Variants in PPP2R2C observed in about 807,000 individuals in gnomAD.
PPP2R2C encodes protein phosphatase 2, regulatory subunit B, gamma.
Under a neutral mutation model 45.3 loss-of-function variants are expected in PPP2R2C, and 10 were observed. That is an observed-to-expected ratio of 0.22 (90% CI 0.14 to 0.37). PPP2R2C has a LOEUF of 0.37. Among genes scored for constraint, PPP2R2C ranks in the 10% least tolerant of loss-of-function variants. PPP2R2C has a pLI of 1.00. For missense variants in PPP2R2C, 308 were observed against 619.7 expected (o/e 0.50, Z 5.34); for synonymous variants, 257 against 245.4 (o/e 1.05, Z -0.44).
intron 1 of PPP2R2C, among the ~76,000 whole-genome samples, chr4:6,395,725 C>T (rs925658992): frequency 6.6e-6 from 1 of 152,218 alleles, no homozygotes. Context: ...CTGCTGGCAG[C>T]TCAGCCTCCA....
chr4:6,537,704 C>T (rs941385965), intron 1 of PPP2R2C, among the ~76,000 whole-genome samples: 11 of 151,984 alleles, frequency 7.2e-5, no homozygotes, highest in Non-Finnish European at 8.8e-5. Flanking sequence ...GTGCCTGCCA[C>T]CACACCTGGC....
rs147754080 is a variant in PPP2R2C at position 6,423,774 on chromosome 4, T to C, written c.71-42680A>G. Among the ~76,000 whole-genome samples the C allele has an allele frequency of 8.9e-4, 136 of 152,254 alleles. 1 individual carries two copies. In the East Asian group the frequency reaches 0.011, roughly 12 times the overall value. ...AACCAGCTTGGTGTGTTTGAGGAAC[T>C]GAAAGATCAGGGAGGTAGTGGTATG... On this transcript the variant is annotated intron_variant, in intron 1 of 8. Transcript: ENST00000382599.
chr4:6,468,470 T>C (rs945739077), intron 1 of PPP2R2C, among the ~76,000 whole-genome samples: 1 of 152,042 alleles, frequency 6.6e-6, no homozygotes, highest in African/African-American at 2.4e-5. Flanking sequence ...AAAGCATGAG[T>C]GTCCAACAGT....
At chr4:6,442,858 C>A (rs1461073653) in intron 1 of PPP2R2C, among the ~76,000 whole-genome samples, 1 of 152,238 alleles carries the variant, frequency 6.6e-6, no homozygotes, top group South Asian at 2.1e-4. Flanking sequence ...CAGCACCGAG[C>A]AGCTAGTGGC....
At chr4:6,507,227 TG>T (rs1220220251) in intron 2 of PPP2R2C, among the ~76,000 whole-genome samples, 1 of 152,188 alleles carries the variant, frequency 6.6e-6, no homozygotes, top group African/African-American at 2.4e-5. Flanking sequence ...AAAGCACAGG[TG>T]CTCAAGGATG....
At chr4:6,511,843 G>T (rs868478310) in intron 2 of PPP2R2C, among the ~76,000 whole-genome samples, 1 of 36,956 alleles carries the variant, frequency 2.7e-5, no homozygotes. Context: ...GGTGATGGTG[G>T]TGGTGGTGGT....
intron 4 of PPP2R2C, among the ~76,000 whole-genome samples, chr4:6,372,947 A>C (rs1463620350): frequency 6.6e-6 from 1 of 152,160 alleles, no homozygotes; most frequent in African/African-American, 2.4e-5. Flanking sequence ...CCTATACCCC[A>C]ATTTCCTCAA....
chr4:6,545,064 A>C (rs1056713024), intron 1 of PPP2R2C, among the ~76,000 whole-genome samples: 2 of 152,138 alleles, frequency 1.3e-5, no homozygotes, highest in African/African-American at 4.8e-5. Flanking sequence ...CCGGTTCTCA[A>C]AGGGGTCCCC....
Position 6,378,621 on chromosome 4 carries a change from G to A in PPP2R2C, c.169-49C>T, listed in dbSNP as rs374405418. ...GCCTGAGCACCGTGACCTGCAGGGC[G>A]ACGGCTAGGACCTCCGGGGACCCAG... On this transcript the variant is annotated intron_variant, in intron 2 of 8. Coordinates refer to ENST00000382599, the MANE Select transcript of PPP2R2C (RefSeq NM_020416.4). The surrounding 1 kb of genome is among the most constrained non-coding windows in gnomAD (Gnocchi z 5.2). 18 of 1,570,652 alleles carry A rather than the reference G, an allele frequency of 1.1e-5. No homozygotes were observed. In the African/African-American group the frequency reaches 1.2e-4, roughly 11 times the overall value.
At chr4:6,357,555 C>T (rs1166219385) in intron 5 of PPP2R2C, among the ~76,000 whole-genome samples, 3 of 152,242 alleles carry the variant, frequency 2.0e-5, no homozygotes, top group African/African-American at 4.8e-5. Context: ...CCCTGCCGCC[C>T]ACAGCCCCAG....
intron 2 of PPP2R2C, among the ~76,000 whole-genome samples, chr4:6,516,574 C>T (rs542207059): frequency 5.9e-5 from 9 of 152,336 alleles, no homozygotes; most frequent in African/African-American, 1.9e-4. Context: ...CCCATGACTC[C>T]TCCTCCCAGG....
chr4:6,348,022 G>A lies in PPP2R2C; in HGVS notation c.626-12C>T. 1 of 1,612,942 alleles carries A rather than the reference G, an allele frequency of 6.2e-7. No individual in the cohort carries two copies. On this transcript the variant is annotated splice_polypyrimidine_tract_variant and intron_variant, in intron 5 of 8. Coordinates refer to ENST00000382599, the MANE Select transcript of PPP2R2C (RefSeq NM_020416.4). ...GATGTCCACGATGTCTGGGGGCAGT[G>A]CGGTCAAGGAAGGGGCAGTGAAGGG...
At chr4:6,393,057 A>G (rs766272662) in intron 1 of PPP2R2C, among the ~76,000 whole-genome samples, 6 of 152,242 alleles carry the variant, frequency 3.9e-5, no homozygotes, top group African/African-American at 7.2e-5. Context: ...GTTGAGGTAC[A>G]ATATACATAA....
intron 1 of PPP2R2C, among the ~76,000 whole-genome samples, chr4:6,559,468 G>A (rs547042367): frequency 1.3e-5 from 2 of 151,782 alleles, no homozygotes; most frequent in Non-Finnish European, 2.9e-5. Context: ...ACCCAGGGCT[G>A]CAAATTTGCA....
chr4:6,391,442 AG>A (rs1385576778), intron 1 of PPP2R2C, among the ~76,000 whole-genome samples: 1 of 152,240 alleles, frequency 6.6e-6, no homozygotes, highest in Non-Finnish European at 1.5e-5. Flanking sequence ...TCGCCAGGCA[AG>A]TCCTGGACTT....
intron 1 of PPP2R2C, among the ~76,000 whole-genome samples, chr4:6,552,873 A>G (rs1487592142): frequency 6.6e-6 from 1 of 152,214 alleles, no homozygotes; most frequent in African/African-American, 2.4e-5. Context: ...ATGTCATGTG[A>G]GTAGCAGAGG....
chr4:6,469,465 A>C (rs1560571245), intron 1 of PPP2R2C, among the ~76,000 whole-genome samples: 2 of 152,210 alleles, frequency 1.3e-5, no homozygotes, highest in African/African-American at 4.8e-5. Flanking sequence ...TTTAGCATCC[A>C]CTGTTTGCCC....
At chr4:6,528,701 C>T (rs1323712803) in intron 2 of PPP2R2C, among the ~76,000 whole-genome samples, 3 of 152,246 alleles carry the variant, frequency 2.0e-5, no homozygotes, top group African/African-American at 7.2e-5. Context: ...GATGACATTC[C>T]ACCACAAAAG....
rs552687675 is a variant in PPP2R2C, at chr4:6,390,230, G to GA, written c.71-9137_71-9136insT. ...TGGAGAACACAGCAGAGGGAGGCTG[G>GA]GGGTGCACACACTGTGCCTGGGGGA... On this transcript the variant is annotated intron_variant, in intron 1 of 8. Transcript: ENST00000382599. 1.1e-3 allele frequency among the ~76,000 whole-genome samples: 167 copies of GA among 152,148 alleles called. 1 individual carries two copies. Among genetic ancestry groups the GA allele is most frequent in the African/African-American group, 3.9e-3 (161 of 41,478 alleles).
Sources: allele counts gnomAD v4.1 joint callset (sites outside exome capture counted in the v4.1 genomes callset), GRCh38; gene constraint gnomAD v4.1.1; non-coding constraint Gnocchi (gnomAD v3.1); transcripts MANE v1.5; gene names NCBI Gene and HGNC (gene_info 2026-07-23, HGNC 2026-07-21).